The following PDE11A variants were observed in gnomAD, a reference collection of about 807,000 sequenced individuals.
The protein encoded by PDE11A is phosphodiesterase 11A.
Under a neutral mutation model 100.5 loss-of-function variants are expected in PDE11A, and 100 were observed. That is an observed-to-expected ratio of 1.00 (90% CI 0.85 to 1.18). PDE11A has a LOEUF of 1.18. Among genes scored for constraint, PDE11A ranks in the 50% most tolerant of loss-of-function variants. PDE11A has a pLI of 0.00. For missense variants in PDE11A, 1,141 were observed against 1,152.6 expected (o/e 0.99, Z 0.15); for synonymous variants, 381 against 420.8 (o/e 0.91, Z 1.16).
intron 1 of PDE11A, among the ~76,000 whole-genome samples, chr2:178,067,239 G>A (rs528249863): frequency 1.3e-5 from 2 of 152,040 alleles, no homozygotes; most frequent in East Asian, 3.9e-4. Context: ...GCCTCTCCTT[G>A]TTCAATCCAT....
rs1246171522 is a variant in PDE11A at position 177,629,164 on chromosome 2, T to A, written c.*243A>T. The A allele has an allele frequency of 1.8e-6, 1 of 541,876 alleles. No homozygotes were observed. Among genetic ancestry groups the A allele is most frequent in the Non-Finnish European group, 3.3e-6 (1 of 300,748 alleles). The allele number at this position is 541,876 out of a possible 1,614,324, so 33.6% of individuals were successfully genotyped here. ...TACCCAGAGCCTTCATTTCAGCCCATGCGTGTTCATTAGGGAAAAGTGAGG... is the reference window on the plus strand; with the variant it reads ...TACCCAGAGCCTTCATTTCAGCCCAAGCGTGTTCATTAGGGAAAAGTGAGG... On this transcript the variant is annotated 3_prime_UTR_variant, in exon 20 of 20. Transcript: ENST00000286063.
chr2:177,847,225 G>T (rs530122988), intron 5 of PDE11A, among the ~76,000 whole-genome samples: 2 of 152,286 alleles, frequency 1.3e-5, no homozygotes, highest in African/African-American at 2.4e-5. Context: ...AAGTGGGTAT[G>T]ACCACCTCCT....
intron 19 of PDE11A, among the ~76,000 whole-genome samples, chr2:177,646,702 T>C (rs2222712): frequency 0.87 from 132,493 of 152,234 alleles, 57,763 homozygotes; most frequent in East Asian, 0.98. Context: ...ATGTCTCTGA[T>C]GCTGGTTCAG....
At chr2:177,907,955 C>T (rs576864479) in intron 2 of PDE11A, among the ~76,000 whole-genome samples, 1 of 152,296 alleles carries the variant, frequency 6.6e-6, no homozygotes, top group East Asian at 1.9e-4. Flanking sequence ...AGTCTCATGT[C>T]TTCTGTCAGC....
intron 1 of PDE11A, among the ~76,000 whole-genome samples, chr2:178,038,121 T>C (rs944350588): frequency 3.9e-5 from 6 of 152,058 alleles, no homozygotes; most frequent in African/African-American, 1.4e-4. Flanking sequence ...AGCAGATATA[T>C]TGAGATATAA....
chr2:177,654,665 T>C (rs1022076262), intron 19 of PDE11A, among the ~76,000 whole-genome samples: 1 of 152,204 alleles, frequency 6.6e-6, no homozygotes, highest in African/African-American at 2.4e-5. Context: ...TGAAGGGGTA[T>C]CAGGAATAAG....
At chr2:177,871,604 G>A (rs1245359382) in intron 5 of PDE11A, among the ~76,000 whole-genome samples, 1 of 150,536 alleles carries the variant, frequency 6.6e-6, no homozygotes, top group Non-Finnish European at 1.5e-5. Flanking sequence ...GGTGGTTCAC[G>A]CCAGCACTTT....
intron 3 of PDE11A, among the ~76,000 whole-genome samples, chr2:177,904,746 G>A (rs2084754126): frequency 6.6e-6 from 1 of 151,946 alleles, no homozygotes; most frequent in Non-Finnish European, 1.5e-5. Context: ...TAGCGACAAG[G>A]TTTCACCATG....
intron 2 of PDE11A, among the ~76,000 whole-genome samples, chr2:177,983,700 T>C (rs1486350183): frequency 3.9e-5 from 6 of 152,214 alleles, no homozygotes; most frequent in Non-Finnish European, 8.8e-5. Flanking sequence ...GTTCTGGGTT[T>C]CTTAATATTT....
At chr2:177,853,714 T>TGTGTGTGTGTGTGTTTG (rs1558974124) in intron 5 of PDE11A, among the ~76,000 whole-genome samples, 286 of 15,992 alleles carry the variant, frequency 0.018, 7 homozygotes, top group Non-Finnish European at 0.03. Flanking sequence ...GTGTGTGTGT[T>TGTGTGTGTGTGTGTTTG]TGTGTGTGTG....
At chr2:178,009,693 G>A (rs2086253775) in intron 2 of PDE11A, among the ~76,000 whole-genome samples, 1 of 152,178 alleles carries the variant, frequency 6.6e-6, no homozygotes. Flanking sequence ...CACAGCCACT[G>A]AATTATAGGT....
chr2:177,733,953 G>A (rs1489107732), intron 10 of PDE11A, among the ~76,000 whole-genome samples: 3 of 152,188 alleles, frequency 2.0e-5, no homozygotes, highest in African/African-American at 2.4e-5. Context: ...GATTGTCAGA[G>A]GCAGATTTGA....
intron 10 of PDE11A, among the ~76,000 whole-genome samples, chr2:177,736,293 A>G (rs1195558321): frequency 6.6e-6 from 1 of 151,814 alleles, no homozygotes; most frequent in Non-Finnish European, 1.5e-5. Context: ...AGGTGGATCA[A>G]CAGAGGTCAG....
intron 1 of PDE11A, among the ~76,000 whole-genome samples, chr2:178,046,138 A>G (rs1014590858): frequency 3.9e-5 from 6 of 152,232 alleles, no homozygotes; most frequent in Admixed American, 1.3e-4. Context: ...AAATGAGATA[A>G]CTAAATCTTA....
rs1273323715 is a variant in PDE11A, at chr2:177,629,415, T to G, written c.2794A>C (p.Arg932=). The G allele has an allele frequency of 6.2e-7, 1 of 1,612,644 alleles. No individual in the cohort carries two copies. The highest frequency in any genetic ancestry group is 1.1e-5 in the South Asian group (1 of 90,956). Residue 932 remains arginine (R), a synonymous_variant, in exon 20 of 20, where the codon AGG becomes CGG. Transcript: ENST00000286063. ...PASVMVAKED[R]N ...GCAGCTGACCTGGAGGTTTAGTTCC[T>G]GTCTTCCTTGGCTACCATAACACTG... is the stretch of plus-strand genomic sequence containing the variant.
intron 2 of PDE11A, among the ~76,000 whole-genome samples, chr2:177,915,166 G>T (rs2084935025): frequency 6.6e-6 from 1 of 152,122 alleles, no homozygotes; most frequent in Non-Finnish European, 1.5e-5. Context: ...TGGTACATTT[G>T]TTACAACTGA....
rs567526612 is a variant in PDE11A, at chr2:177,881,346, T to C, written c.1303-5423A>G. 6.0e-3 allele frequency among the ~76,000 whole-genome samples: 571 copies of C among 95,546 alleles called. 1 individual carries two copies. The highest frequency in any genetic ancestry group is 0.022 in the African/African-American group (547 of 24,650). 62.7% of individuals were successfully genotyped at this position (95,546 alleles called of 152,430 possible). On this transcript the variant is annotated intron_variant, in intron 4 of 19. Coordinates refer to ENST00000286063, the MANE Select transcript of PDE11A (RefSeq NM_016953.4). The stretch of plus-strand genomic sequence containing the variant: ...TATCTATCTATCATCTATCTGTCTA[T>C]CTATCTATCTATCTATCTATCTATC...
At chr2:178,071,041 G>A (rs575725377) in intron 1 of PDE11A, among the ~76,000 whole-genome samples, 2 of 152,320 alleles carry the variant, frequency 1.3e-5, no homozygotes, top group East Asian at 3.9e-4. Context: ...GAACAGGGAA[G>A]TAGTTAAGCA....
intron 2 of PDE11A, among the ~76,000 whole-genome samples, chr2:177,940,109 G>A (rs2105771906): frequency 6.6e-6 from 1 of 152,324 alleles, no homozygotes; most frequent in East Asian, 1.9e-4. Context: ...GGAGGAATGG[G>A]TAGGAGTGGA....
Sources: allele counts gnomAD v4.1 joint callset (sites outside exome capture counted in the v4.1 genomes callset), GRCh38; gene constraint gnomAD v4.1.1; transcripts MANE v1.5; gene names NCBI Gene and HGNC (gene_info 2026-07-23, HGNC 2026-07-21).